Variants in STN1 observed in about 807,000 individuals in gnomAD.
STN1 encodes the protein STN1 subunit of CST complex, also known as CST complex subunit STN1.
Under a neutral mutation model 45.5 loss-of-function variants are expected in STN1, and 29 were observed. The observed-to-expected ratio is 0.64, with a 90% CI of 0.47 to 0.87. STN1 has a LOEUF of 0.87. Ranked by LOEUF, STN1 falls within the 40% of genes least tolerant of loss-of-function variation. The pLI is 0.00. For missense variants in STN1, 376 were observed against 441.4 expected (o/e 0.85, Z 1.33); for synonymous variants, 148 against 159.0 (o/e 0.93, Z 0.52).
chr10:103,903,194 T>C lies in STN1; in HGVS notation c.295+1897A>G, dbSNP rs1455278677. Among the ~76,000 whole-genome samples, 4 of 152,324 alleles carry C rather than the reference T, an allele frequency of 2.6e-5. No homozygotes were observed. The East Asian group carries it at 7.7e-4, about 29-fold the overall frequency. On this transcript the variant is annotated intron_variant, in intron 4 of 9. Transcript: ENST00000224950. The stretch of plus-strand genomic sequence containing the variant: ...GCTTATGTACTACCTATGGTTACTT[T>C]CTGTTATAATGGCAGCGTTGAATAG...
Position 103,880,804 on chromosome 10 carries a change from G to A in STN1, c.*1880C>T, listed in dbSNP as rs190219768. Among the ~76,000 whole-genome samples the A allele has an allele frequency of 4.2e-4, 64 of 152,266 alleles. No individual in the cohort carries two copies. The highest frequency in any genetic ancestry group is 1.4e-3 in the African/African-American group (59 of 41,566). ...AGCACTGAACAAAGGAACCTGAGAAGGAGCAACCAGAGAGCTTGGTGTCCT... is the reference window on the plus strand; with the variant it reads ...AGCACTGAACAAAGGAACCTGAGAAAGAGCAACCAGAGAGCTTGGTGTCCT... On this transcript the variant is annotated 3_prime_UTR_variant, in exon 10 of 10. Transcript: ENST00000224950.
chr10:103,898,757 C>A, intron 6 of STN1, 120 bp downstream of exon 6: 2 of 1,138,932 alleles, frequency 1.8e-6, no homozygotes, highest in Non-Finnish European at 2.5e-6. Flanking sequence ...TTGCCCAGAG[C>A]CCCACAGTGC....
intron 1 of STN1, 143 bp downstream of exon 1, chr10:103,917,957 G>A (rs1448778209): frequency 2.1e-5 from 4 of 192,126 alleles, no homozygotes; most frequent in Admixed American, 1.6e-4. Flanking sequence ...ACCGCTTGGG[G>A]TCCCGGGAGG....
Position 103,882,525 on chromosome 10 carries a change from A to G in STN1, c.*159T>C. The G allele has an allele frequency of 1.4e-6, 1 of 717,856 alleles. No individual in the cohort carries two copies. The highest frequency in any genetic ancestry group is 2.9e-5 in the East Asian group (1 of 34,862). The allele number at this position is 717,856 out of a possible 1,614,324, so 44.5% of individuals were successfully genotyped here. ...TAGTGGACAGAAGGGAGCCAACAAC[A>G]TTTATGCCAAATCCCATTCCCAAGA... On this transcript the variant is annotated 3_prime_UTR_variant, in exon 10 of 10. Coordinates refer to ENST00000224950, the MANE Select transcript of STN1 (RefSeq NM_024928.5).
chr10:103,880,630 G>A lies in STN1; in HGVS notation c.*2054C>T, dbSNP rs1452296454. 6.6e-6 allele frequency among the ~76,000 whole-genome samples: 1 copy of A among 152,166 alleles called. No individual in the cohort carries two copies. The highest frequency in any genetic ancestry group is 6.5e-5 in the Admixed American group (1 of 15,286). On this transcript the variant is annotated 3_prime_UTR_variant, in exon 10 of 10. Transcript: ENST00000224950. ...ATGTCAGTAGCAAACTGAATATAGG[G>A]GTCTGCAGTTCAGGGAAGAGGCCCA...
At chr10:103,905,194 G>C in intron 3 of STN1, 38 bp from the exon 4 acceptor site, 1 of 1,572,076 alleles carries the variant, frequency 6.4e-7, no homozygotes, top group South Asian at 1.1e-5. Flanking sequence ...GAGAGATTTG[G>C]GCAAGGCTGG....
At chr10:103,904,760 A>G (rs1843230052) in intron 4 of STN1, among the ~76,000 whole-genome samples, 1 of 152,198 alleles carries the variant, frequency 6.6e-6, no homozygotes, top group South Asian at 2.1e-4. Context: ...GGGGATTCAG[A>G]CCTGACTTGC....
chr10:103,898,463 A>G (rs2134365500), intron 6 of STN1: 1 of 158,016 alleles, frequency 6.3e-6, no homozygotes, highest in South Asian at 1.9e-4. Flanking sequence ...GTGCTATGGT[A>G]TCATATTTTG....
chr10:103,888,928 G>A (rs35041090), intron 9 of STN1, 144 bp downstream of exon 9: 157,938 of 614,124 alleles, frequency 0.26, 21,614 homozygotes, highest in South Asian at 0.28. Context: ...TGGAGGCTCA[G>A]GGAGGGCAGG....
chr10:103,914,700 A>G (rs1021476785), intron 2 of STN1, among the ~76,000 whole-genome samples: 1 of 152,046 alleles, frequency 6.6e-6, no homozygotes, highest in African/African-American at 2.4e-5. Flanking sequence ...ACAAAACAAA[A>G]AGAACCCACA....
chr10:103,910,394 C>T (rs1843281774), intron 3 of STN1, 133 bp downstream of exon 3: 1 of 542,082 alleles, frequency 1.8e-6, no homozygotes, highest in South Asian at 2.5e-5. Flanking sequence ...TAAGGGGCAC[C>T]CCATAGAGAA....
chr10:103,899,099 A>C, intron 5 of STN1, 99 bp from the exon 6 acceptor site: 1 of 1,359,742 alleles, frequency 7.4e-7, no homozygotes, highest in East Asian at 2.4e-5. Context: ...ACAGTAAATG[A>C]GGTGCTGGGT....
At chr10:103,887,341 A>T (rs569127525) in intron 9 of STN1, among the ~76,000 whole-genome samples, 1 of 152,352 alleles carries the variant, frequency 6.6e-6, no homozygotes, top group South Asian at 2.1e-4. Flanking sequence ...TTGTAAGTGC[A>T]TATCTGTATA....
chr10:103,893,231 C>T lies in STN1; in HGVS notation c.754-979G>A, dbSNP rs1396604450. Among the ~76,000 whole-genome samples the T allele has an allele frequency of 2.0e-5, 3 of 152,042 alleles. No individual in the cohort carries two copies. In the East Asian group the frequency reaches 5.8e-4, roughly 29 times the overall value. The stretch of plus-strand genomic sequence containing the variant: ...TCGCCCAGGCTGGAGTGCAGTGGCG[C>T]GATCTCAGCTCACTGCAAGCTCCAC... On this transcript the variant is annotated intron_variant, in intron 7 of 9. Transcript: ENST00000224950.
rs749332166 is a variant in STN1, at chr10:103,897,609, A to G, written c.692T>C (p.Met231Thr). The G allele has an allele frequency of 1.2e-6, 2 of 1,614,118 alleles. No individual in the cohort carries two copies. The highest frequency in any genetic ancestry group is 2.2e-5 in the South Asian group (2 of 91,086). The change falls in exon 7 of 10, where the codon ATG (methionine) becomes ACG (threonine). Residue 231 changes from methionine (M) to threonine (T), a missense_variant. Transcript: ENST00000224950. ...GGCAAGGGACAGCAAAGACTCCACC[A>G]TTTCCAGCTCCTGCTGGTAAAAGCT... ...VQSFYQQELE[M>T]VESLLSLANQ...
chr10:103,887,377 T>C (rs1843111030), intron 9 of STN1, among the ~76,000 whole-genome samples: 1 of 152,208 alleles, frequency 6.6e-6, no homozygotes, highest in Non-Finnish European at 1.5e-5. Flanking sequence ...AAAACACATA[T>C]CCAACAGGAT....
chr10:103,911,179 A>T (rs1456492515), intron 2 of STN1, among the ~76,000 whole-genome samples: 1 of 152,134 alleles, frequency 6.6e-6, no homozygotes, highest in East Asian at 1.9e-4. Flanking sequence ...TCTGTTTTCA[A>T]AACCTAGGCT....
At chr10:103,910,450 G>T in intron 3 of STN1, 77 bp downstream of exon 3, 1 of 928,262 alleles carries the variant, frequency 1.1e-6, no homozygotes, top group Admixed American at 1.8e-5. Context: ...AAATGGCTGG[G>T]GCTGCTGAAA....
intron 7 of STN1, among the ~76,000 whole-genome samples, chr10:103,894,923 G>A (rs1843161891): frequency 6.6e-6 from 1 of 152,152 alleles, no homozygotes; most frequent in Non-Finnish European, 1.5e-5. Flanking sequence ...ATGAAAAAAA[G>A]GAGGAAACAT....
Sources: allele counts gnomAD v4.1 joint callset (sites outside exome capture counted in the v4.1 genomes callset), GRCh38; gene constraint gnomAD v4.1.1; transcripts MANE v1.5; gene names NCBI Gene and HGNC (gene_info 2026-07-23, HGNC 2026-07-21).